PLAGL1: variants seen among roughly 807,000 people sequenced by gnomAD.
The protein encoded by PLAGL1 is zinc finger protein PLAGL1.
In PLAGL1, 1 loss-of-function variant was observed where a neutral mutation model predicts 4.6. That is an observed-to-expected ratio of 0.22 (90% confidence interval 0.08 to 1.03). PLAGL1 has a LOEUF of 1.03. PLAGL1 is among the 50% of genes least tolerant of loss of function. The pLI is 0.58. For missense variants in PLAGL1, 464 were observed against 570.4 expected (o/e 0.81, Z 1.90); for synonymous variants, 240 against 237.8 (o/e 1.01, Z -0.08).
At position 143,954,844 on chromosome 6, in the gene PLAGL1, A is replaced by C. The variant is rs184384601; in HGVS notation, c.-325+5625T>G. Among the ~76,000 whole-genome samples the C allele has an allele frequency of 2.4e-4, 36 of 152,360 alleles. No individual in the cohort carries two copies. The highest frequency in any genetic ancestry group is 7.3e-5 in the Non-Finnish European group (5 of 68,034). ...CCAAAGAATCCACACACAAGATTAG[A>C]AAGCCTGGCAAGGTGTTTGATTATA... On this transcript the variant is annotated intron_variant, in intron 6 of 7. Coordinates refer to ENST00000674357, the MANE Select transcript of PLAGL1 (RefSeq NM_001317162.2). The surrounding 1 kb of genome is among the most constrained non-coding windows in gnomAD (Gnocchi z 5.1).
Position 143,952,408 on chromosome 6 carries a change from TAGTA to T in PLAGL1, c.-324-3952_-324-3949del, listed in dbSNP as rs1175342186. Among the ~76,000 whole-genome samples, 2 of 152,178 alleles carry T rather than the reference TAGTA, an allele frequency of 1.3e-5. No homozygotes were observed. The highest frequency in any genetic ancestry group is 2.9e-5 in the Non-Finnish European group (2 of 68,036). ...TTCAACACCTGTCACCCTAGAAAGA[TAGTA>T]AGTCTTACCCCAAAACATCTCAGGA... On this transcript the variant is annotated intron_variant, in intron 6 of 7. Coordinates refer to ENST00000674357, the MANE Select transcript of PLAGL1 (RefSeq NM_001317162.2). This position sits in a 1 kb window ranked among gnomAD's most constrained non-coding sequence, Gnocchi z 6.1.
At chr6:143,956,279 C>G (rs1782112437) in intron 6 of PLAGL1, among the ~76,000 whole-genome samples, 1 of 152,172 alleles carries the variant, frequency 6.6e-6, no homozygotes, top group Non-Finnish European at 1.5e-5. Context: ...CAGGCTGCAG[C>G]TAGACTGAGA....
rs187843908 is a variant in PLAGL1, at chr6:144,032,630, C to T, written c.-151+31838G>A. Reference sequence around the variant, plus strand: ...AGGCTGGAGTCAAATGGCACAGTCTCGGCTCACTGCAACGTCCGCCTCCTG... The same window carrying T: ...AGGCTGGAGTCAAATGGCACAGTCTTGGCTCACTGCAACGTCCGCCTCCTG... On this transcript the variant is annotated intron_variant, in intron 1 of 3. Coordinates refer to the PLAGL1 transcript ENST00000437412. 6.6e-5 allele frequency among the ~76,000 whole-genome samples: 10 copies of T among 152,262 alleles called. No individual in the cohort carries two copies. In the East Asian group the frequency reaches 7.7e-4, roughly 12 times the overall value.
rs1266358117 is a variant in PLAGL1 at position 144,022,407 on chromosome 6, C to T, written c.-151+42061G>A. Among the ~76,000 whole-genome samples, 1 of 152,148 alleles carries T rather than the reference C, an allele frequency of 6.6e-6. No homozygotes were observed. Among genetic ancestry groups the T allele is most frequent in the African/African-American group, 2.4e-5 (1 of 41,434 alleles). ...ACAATACAAAATGTTAACAAGGATGCAGAGCAACAATCCATCATTGGTGAT... is the reference window on the plus strand; with the variant it reads ...ACAATACAAAATGTTAACAAGGATGTAGAGCAACAATCCATCATTGGTGAT... On this transcript the variant is annotated intron_variant, in intron 1 of 3. Transcript: ENST00000437412. The surrounding 1 kb of genome is among the most constrained non-coding windows in gnomAD (Gnocchi z 4.2).
chr6:144,003,311 C>T (rs1793337026), intron 1 of PLAGL1, among the ~76,000 whole-genome samples: 1 of 152,154 alleles, frequency 6.6e-6, no homozygotes, highest in Non-Finnish European at 1.5e-5. Context: ...TGGAGGAAAA[C>T]AAAGGCAAAT....
At chr6:143,993,801 A>G (rs1025268681) in intron 1 of PLAGL1, among the ~76,000 whole-genome samples, 1 of 152,206 alleles carries the variant, frequency 6.6e-6, no homozygotes, top group Non-Finnish European at 1.5e-5. Flanking sequence ...ACCAGGACTC[A>G]TGCATGACAA....
chr6:144,051,005 A>G (rs959520850), intron 1 of PLAGL1, among the ~76,000 whole-genome samples: 1 of 152,230 alleles, frequency 6.6e-6, no homozygotes, highest in African/African-American at 2.4e-5. Context: ...ATTAAATGTA[A>G]AAATAAAATC....
At chr6:144,001,538 T>C (rs1792885860) in intron 1 of PLAGL1, among the ~76,000 whole-genome samples, 1 of 152,204 alleles carries the variant, frequency 6.6e-6, no homozygotes, top group African/African-American at 2.4e-5. Flanking sequence ...ATATTTGTAC[T>C]ACCTCAAAAA....
At position 144,027,779 on chromosome 6, in the gene PLAGL1, A is replaced by T. The variant is rs1796476118; in HGVS notation, c.-151+36689T>A. On this transcript the variant is annotated intron_variant, in intron 1 of 3. Transcript: ENST00000437412. This position sits in a 1 kb window ranked among gnomAD's most constrained non-coding sequence, Gnocchi z 5.8. Reference sequence around the variant, plus strand: ...GGGAAATGTTAATCATATTTGCTAAACTTACTATTATATATCCATTCTAAT... The same window carrying T: ...GGGAAATGTTAATCATATTTGCTAATCTTACTATTATATATCCATTCTAAT... 6.6e-6 allele frequency among the ~76,000 whole-genome samples: 1 copy of T among 152,216 alleles called. No homozygotes were observed. Among genetic ancestry groups the T allele is most frequent in the African/African-American group, 2.4e-5 (1 of 41,448 alleles).
At chr6:144,054,123 C>A (rs890465693) in intron 1 of PLAGL1, among the ~76,000 whole-genome samples, 1 of 151,428 alleles carries the variant, frequency 6.6e-6, no homozygotes, top group Non-Finnish European at 1.5e-5. Flanking sequence ...ATACCACATG[C>A]ATGAAATTAT....
chr6:144,034,181 G>A lies in PLAGL1; in HGVS notation c.-151+30287C>T, dbSNP rs1192280474. Among the ~76,000 whole-genome samples the A allele has an allele frequency of 6.6e-6, 1 of 152,090 alleles. No individual in the cohort carries two copies. The highest frequency in any genetic ancestry group is 1.5e-5 in the Non-Finnish European group (1 of 68,020). On this transcript the variant is annotated intron_variant, in intron 1 of 3. Coordinates refer to the PLAGL1 transcript ENST00000437412. This position sits in a 1 kb window ranked among gnomAD's most constrained non-coding sequence, Gnocchi z 4.7. ...GTAAAACCACGTTGTTGGAGGAGGG[G>A]GTGCCCCAGCTTAGCGAACCCCAGC...
At chr6:144,007,595 GA>G (rs1305097314) in intron 1 of PLAGL1, 4 of 152,152 alleles carry the variant, frequency 2.6e-5, no homozygotes, top group Admixed American at 2.6e-4. Context: ...CCCGATCTAG[GA>G]AATTTTTAGG....
At chr6:144,060,212 T>C (rs2128731483) in intron 1 of PLAGL1, among the ~76,000 whole-genome samples, 1 of 152,186 alleles carries the variant, frequency 6.6e-6, no homozygotes, top group South Asian at 2.1e-4. Flanking sequence ...CATGCCCAGC[T>C]AAGTTTTGTA....
At chr6:143,944,252 A>C (rs1171075281) in intron 7 of PLAGL1, among the ~76,000 whole-genome samples, 2 of 152,126 alleles carry the variant, frequency 1.3e-5, no homozygotes, top group Admixed American at 1.3e-4. Flanking sequence ...CTTTCAGCCA[A>C]CATCTGCCCT....
rs199962279 is a variant in PLAGL1 at position 144,000,321 on chromosome 6, G to GA, written c.-584+7768dup. On this transcript the variant is annotated intron_variant, in intron 1 of 7. Transcript: ENST00000674357. The surrounding 1 kb of genome is among the most constrained non-coding windows in gnomAD (Gnocchi z 4.1). ...AGAGATTTGAAGATCAGAAGGAAAA[G>GA]AAAAAAATCATTTCTTGCAAATTAT... Among the ~76,000 whole-genome samples, 3,351 of 151,764 alleles carry GA rather than the reference G, an allele frequency of 0.022. 128 individuals are homozygous for GA. Among genetic ancestry groups the GA allele is most frequent in the African/African-American group, 0.075 (3,125 of 41,424 alleles).
At chr6:144,058,926 G>C (rs1313712907) in intron 1 of PLAGL1, among the ~76,000 whole-genome samples, 1 of 152,166 alleles carries the variant, frequency 6.6e-6, no homozygotes, top group Admixed American at 6.5e-5. Context: ...GCTGCTGGTG[G>C]ATCTACCATT....
intron 1 of PLAGL1, among the ~76,000 whole-genome samples, chr6:144,038,789 A>G (rs2144571): frequency 0.15 from 22,880 of 152,152 alleles, 2,065 homozygotes; most frequent in Admixed American, 0.25. Flanking sequence ...AAATCTAGAG[A>G]GACAGAAAGT....
At chr6:143,977,449 T>C (rs916566549) in intron 2 of PLAGL1, among the ~76,000 whole-genome samples, 1 of 148,306 alleles carries the variant, frequency 6.7e-6, no homozygotes, top group Non-Finnish European at 1.5e-5. Flanking sequence ...CTTTTTTTTT[T>C]ATTTTTTTCT....
rs1260489230 is a variant in PLAGL1 at position 143,972,500 on chromosome 6, TATA to T, written c.-543-3525_-543-3523del. ...GGTAATTTTAAGATTTATCAACTAT[TATA>T]ATGTCAGGCGCTAATCTTGGTCTGC... On this transcript the variant is annotated intron_variant, in intron 2 of 7. Transcript: ENST00000674357. This position sits in a 1 kb window ranked among gnomAD's most constrained non-coding sequence, Gnocchi z 6.8. Among the ~76,000 whole-genome samples the T allele has an allele frequency of 6.6e-6, 1 of 152,234 alleles. No homozygotes were observed. The highest frequency in any genetic ancestry group is 1.5e-5 in the Non-Finnish European group (1 of 68,038).
Sources: gnomAD v4.1 joint callset for allele counts (sites outside exome capture counted in the v4.1 genomes callset) on GRCh38, gnomAD v4.1.1 for gene constraint, Gnocchi (gnomAD v3.1) non-coding constraint, MANE v1.5 for transcripts, NCBI Gene and HGNC (gene_info 2026-07-23, HGNC 2026-07-21) for gene names.